The following ARB2A variants were observed in gnomAD, a reference collection of about 807,000 sequenced individuals.
ARB2A encodes the protein cotranscriptional regulator ARB2A.
the ARB2A span, among the ~76,000 whole-genome samples, chr5:93,664,758 A>G: frequency 6.6e-6 from 1 of 152,084 alleles, no homozygotes; most frequent in Non-Finnish European, 1.5e-5. Context: ...TACACTTACG[A>G]CAGATATTAC....
the ARB2A span, among the ~76,000 whole-genome samples, chr5:93,726,224 C>T: frequency 6.6e-6 from 1 of 151,998 alleles, no homozygotes; most frequent in Non-Finnish European, 1.5e-5. Context: ...AAAATTGACA[C>T]AAGGACGATG....
chr5:93,934,397 ACAC>A, the ARB2A span, among the ~76,000 whole-genome samples: 6 of 152,230 alleles, frequency 3.9e-5, no homozygotes, highest in Non-Finnish European at 8.8e-5. Context: ...GTAGTTGCTT[ACAC>A]AACAACCATT....
chr5:94,035,196 CATACATATACATATACAT>C, the ARB2A span, among the ~76,000 whole-genome samples: 3 of 129,630 alleles, frequency 2.3e-5, no homozygotes, highest in South Asian at 2.7e-4. Context: ...GGATCTTATA[CATACATATACATATACAT>C]ATACATATAC....
the ARB2A span, among the ~76,000 whole-genome samples, chr5:94,053,950 A>C: frequency 6.6e-6 from 1 of 151,728 alleles, no homozygotes; most frequent in Non-Finnish European, 1.5e-5. Context: ...TGTATTTTTC[A>C]CAGAGATGGG....
chr5:94,082,886 A>C, the ARB2A span, among the ~76,000 whole-genome samples: 1 of 152,226 alleles, frequency 6.6e-6, no homozygotes, highest in Non-Finnish European at 1.5e-5. Context: ...TAGAAATTTG[A>C]AACTTCAAGT....
chr5:94,071,806 A>G, the ARB2A span, among the ~76,000 whole-genome samples: 2 of 152,266 alleles, frequency 1.3e-5, no homozygotes, highest in South Asian at 4.1e-4. Context: ...ATAATTTGGT[A>G]TTGTCTTATA....
the ARB2A span, among the ~76,000 whole-genome samples, chr5:93,836,571 T>C: frequency 6.6e-6 from 1 of 152,238 alleles, no homozygotes; most frequent in African/African-American, 2.4e-5. Context: ...TTTTACCTTG[T>C]CACATGAGAT....
chr5:93,716,290 C>T, the ARB2A span, among the ~76,000 whole-genome samples: 1 of 152,064 alleles, frequency 6.6e-6, no homozygotes, highest in Non-Finnish European at 1.5e-5. Context: ...ATAGCAATGG[C>T]AAATTTAAAT....
At chr5:93,793,824 C>T in the ARB2A span, among the ~76,000 whole-genome samples, 1 of 152,140 alleles carries the variant, frequency 6.6e-6, no homozygotes, top group Non-Finnish European at 1.5e-5. Flanking sequence ...ATTAAGGTGA[C>T]ATGCAGGTCC....
chr5:93,860,453 TA>T, the ARB2A span, among the ~76,000 whole-genome samples: 14 of 145,320 alleles, frequency 9.6e-5, no homozygotes, highest in East Asian at 4.0e-4. Context: ...ATTCCAGAAG[TA>T]AAAAAAAAAT....
At chr5:94,063,494 C>G in the ARB2A span, among the ~76,000 whole-genome samples, 4 of 152,182 alleles carry the variant, frequency 2.6e-5, no homozygotes, top group Non-Finnish European at 5.9e-5. Context: ...AAGAACCCAT[C>G]CACTGGCCTG....
chr5:93,746,296 CT>C, the ARB2A span, among the ~76,000 whole-genome samples: 1 of 152,074 alleles, frequency 6.6e-6, no homozygotes, highest in Non-Finnish European at 1.5e-5. Context: ...TAATTTATTG[CT>C]TTTCAAGATA....
the ARB2A span, among the ~76,000 whole-genome samples, chr5:94,010,347 A>G: frequency 1.3e-5 from 2 of 152,136 alleles, no homozygotes; most frequent in African/African-American, 4.8e-5. Flanking sequence ...AAACAATAAA[A>G]TTGGAGACTT....
chr5:93,742,144 T>C, the ARB2A span, among the ~76,000 whole-genome samples: 1 of 152,060 alleles, frequency 6.6e-6, no homozygotes, highest in Admixed American at 6.6e-5. Flanking sequence ...CTACCTCAGA[T>C]TCTACCCCCG....
chr5:93,717,440 CTTTT>C, the ARB2A span, among the ~76,000 whole-genome samples: 16 of 107,392 alleles, frequency 1.5e-4, no homozygotes, highest in Admixed American at 1.1e-3. Flanking sequence ...ACCACAGTTG[CTTTT>C]TTTTTTTTTT....
the ARB2A span, among the ~76,000 whole-genome samples, chr5:93,671,305 T>C: frequency 6.6e-6 from 1 of 152,122 alleles, no homozygotes; most frequent in African/African-American, 2.4e-5. Context: ...AAGTACAGAA[T>C]ATAAAGAAGC....
At chr5:93,691,713 GAC>G in the ARB2A span, among the ~76,000 whole-genome samples, 1 of 151,546 alleles carries the variant, frequency 6.6e-6, no homozygotes, top group Admixed American at 6.6e-5. Context: ...GCAACCCCAA[GAC>G]ACATAATTGT....
chr5:93,783,709 T>C, the ARB2A span, among the ~76,000 whole-genome samples: 1 of 152,184 alleles, frequency 6.6e-6, no homozygotes, highest in Non-Finnish European at 1.5e-5. Flanking sequence ...AAATTTCAGC[T>C]GGATATCTGT....
the ARB2A span, among the ~76,000 whole-genome samples, chr5:93,799,966 C>T: frequency 6.6e-6 from 1 of 152,026 alleles, no homozygotes; most frequent in East Asian, 1.9e-4. Flanking sequence ...AAACTAGTCA[C>T]TAAAAATATA....
Sources: allele counts gnomAD v4.1 joint callset (sites outside exome capture counted in the v4.1 genomes callset), GRCh38; gene constraint gnomAD v4.1.1; transcripts MANE v1.5; gene names NCBI Gene and HGNC (gene_info 2026-07-23, HGNC 2026-07-21).